The following SMCO2 variants were observed in gnomAD, a reference collection of about 807,000 sequenced individuals.
SMCO2 encodes single-pass membrane and coiled-coil domain-containing protein 2.
Under a neutral mutation model 29.5 loss-of-function variants are expected in SMCO2, and 25 were observed. The observed-to-expected ratio is 0.85, with a 90% CI of 0.62 to 1.18. SMCO2 has a LOEUF of 1.18. Among genes scored for constraint, SMCO2 ranks in the 50% most tolerant of loss-of-function variants. SMCO2 has a pLI of 0.00. For synonymous variants in SMCO2, 117 were observed against 123.3 expected (o/e 0.95, Z 0.34); for missense variants, 348 against 344.5 (o/e 1.01, Z -0.08).
chr12:27,459,364 C>T, the SMCO2 span, among the ~76,000 whole-genome samples: 1 of 152,056 alleles, frequency 6.6e-6, no homozygotes, highest in East Asian at 1.9e-4. Context: ...TGCAAACTAA[C>T]ACAGAAACAG....
intron 5 of SMCO2, among the ~76,000 whole-genome samples, chr12:27,492,468 C>A (rs1252017450): frequency 6.6e-6 from 1 of 152,080 alleles, no homozygotes; most frequent in Non-Finnish European, 1.5e-5. Context: ...GGGGCCAAGA[C>A]GGGTTGATTG....
the SMCO2 span, among the ~76,000 whole-genome samples, chr12:27,454,270 C>T: frequency 1.3e-5 from 2 of 152,192 alleles, no homozygotes; most frequent in Admixed American, 6.5e-5. Context: ...AGGTGTGAGC[C>T]ACCATGCCTG....
chr12:27,451,268 A>G, the SMCO2 span, among the ~76,000 whole-genome samples: 3 of 152,150 alleles, frequency 2.0e-5, no homozygotes, highest in African/African-American at 7.2e-5. Context: ...TCAAGCCTCT[A>G]GTCACATTTT....
At chr12:27,480,253 T>C (rs1949630210) in intron 4 of SMCO2, among the ~76,000 whole-genome samples, 1 of 152,218 alleles carries the variant, frequency 6.6e-6, no homozygotes, top group Non-Finnish European at 1.5e-5. Flanking sequence ...GGCAGCCGAT[T>C]GGATGGTGTC....
At chr12:27,488,969 C>T (rs949994857) in intron 5 of SMCO2, among the ~76,000 whole-genome samples, 3 of 152,150 alleles carry the variant, frequency 2.0e-5, no homozygotes, top group Non-Finnish European at 4.4e-5. Context: ...TTGGTTTTCA[C>T]AATCTCCAGA....
At chr12:27,479,415 G>T (rs981047696) in intron 4 of SMCO2, among the ~76,000 whole-genome samples, 1 of 152,202 alleles carries the variant, frequency 6.6e-6, no homozygotes, top group East Asian at 1.9e-4. Flanking sequence ...GTGTGCAGCT[G>T]CAAGGCAGCC....
the SMCO2 span, among the ~76,000 whole-genome samples, chr12:27,450,246 A>G: frequency 6.6e-6 from 1 of 151,984 alleles, no homozygotes; most frequent in Non-Finnish European, 1.5e-5. Context: ...AGGCCTTGCA[A>G]TCCCTACCTT....
At chr12:27,481,701 G>A (rs1002304981) in intron 4 of SMCO2, among the ~76,000 whole-genome samples, 51 of 152,118 alleles carry the variant, frequency 3.4e-4, no homozygotes, top group African/African-American at 1.1e-3. Flanking sequence ...GGGCTATTCA[G>A]GATATATTGC....
At chr12:27,437,346 T>G in the SMCO2 span, among the ~76,000 whole-genome samples, 29 of 152,174 alleles carry the variant, frequency 1.9e-4, no homozygotes, top group Non-Finnish European at 4.1e-4. Flanking sequence ...TTGGAGAAGG[T>G]CCATAAATTG....
chr12:27,433,778 C>T, the SMCO2 span, among the ~76,000 whole-genome samples: 1 of 152,170 alleles, frequency 6.6e-6, no homozygotes, highest in Non-Finnish European at 1.5e-5. Context: ...TCCTTTAACT[C>T]TAGATTATGT....
chr12:27,483,574 A>T (rs60495631), intron 4 of SMCO2, among the ~76,000 whole-genome samples: 2,282 of 151,938 alleles, frequency 0.015, 58 homozygotes, highest in African/African-American at 0.052. Flanking sequence ...GTGCACCATG[A>T]TGCCCAGCTA....
At chr12:27,452,565 C>T in the SMCO2 span, among the ~76,000 whole-genome samples, 1 of 152,182 alleles carries the variant, frequency 6.6e-6, no homozygotes, top group Non-Finnish European at 1.5e-5. Flanking sequence ...TCATGGCTTA[C>T]TGCAGCCTTG....
intron 1 of SMCO2, among the ~76,000 whole-genome samples, chr12:27,468,160 A>G (rs145222211): frequency 1.3e-5 from 2 of 151,944 alleles, no homozygotes; most frequent in African/African-American, 2.4e-5. Flanking sequence ...TGAAGTGTTG[A>G]TGCTGGATTA....
the SMCO2 span, among the ~76,000 whole-genome samples, chr12:27,448,630 C>T: frequency 6.6e-6 from 1 of 152,158 alleles, no homozygotes; most frequent in Non-Finnish European, 1.5e-5. Flanking sequence ...AAAATCCTCT[C>T]TCCAGTTCTA....
At chr12:27,490,662 A>G (rs939248195) in intron 5 of SMCO2, among the ~76,000 whole-genome samples, 1 of 152,152 alleles carries the variant, frequency 6.6e-6, no homozygotes, top group Admixed American at 6.5e-5. Flanking sequence ...GAATGTGGTG[A>G]CTCACACCTG....
rs117041322 is a variant in SMCO2, at chr12:27,480,119, A to T, written c.362+5206A>T. On this transcript the variant is annotated intron_variant, in intron 4 of 7. Transcript: ENST00000298876. The stretch of plus-strand genomic sequence containing the variant: ...CAAAGGCCAAAGAACCTGGAGGCTG[A>T]TATCCAAGGGCAAAAGGAGAGGAAG... Among the ~76,000 whole-genome samples, 873 of 152,336 alleles carry T rather than the reference A, an allele frequency of 5.7e-3. 5 individuals carry two copies. Among genetic ancestry groups the T allele is most frequent in the Non-Finnish European group, 0.011 (728 of 68,030 alleles).
the SMCO2 span, among the ~76,000 whole-genome samples, chr12:27,457,370 G>A: frequency 6.6e-6 from 1 of 152,174 alleles, no homozygotes; most frequent in Non-Finnish European, 1.5e-5. Context: ...TATGTAGCCA[G>A]CCATGGTAGA....
At chr12:27,462,601 G>T (rs1949467213), upstream of SMCO2, among the ~76,000 whole-genome samples, 1 of 152,206 alleles carries the variant, frequency 6.6e-6, no homozygotes, top group South Asian at 2.1e-4. Flanking sequence ...GGTAGCTATT[G>T]TTTCCCCATT....
At chr12:27,476,232 T>C (rs1949584967) in intron 4 of SMCO2, among the ~76,000 whole-genome samples, 1 of 152,222 alleles carries the variant, frequency 6.6e-6, no homozygotes, top group South Asian at 2.1e-4. Flanking sequence ...ATACTTGATA[T>C]GATTGCAATG....
Sources: gnomAD v4.1 joint callset for allele counts (sites outside exome capture counted in the v4.1 genomes callset) on GRCh38, gnomAD v4.1.1 for gene constraint, MANE v1.5 for transcripts, NCBI Gene and HGNC (gene_info 2026-07-23, HGNC 2026-07-21) for gene names.